PALM2AKAP2: variants seen among roughly 807,000 people sequenced by gnomAD.
PALM2AKAP2 encodes PALM2-AKAP2 fusion protein.
Under a neutral mutation model 71.5 loss-of-function variants are expected in PALM2AKAP2, and 37 were observed. The ratio of observed to expected loss-of-function variants is 0.52; its 90% CI spans 0.40 to 0.68. PALM2AKAP2 has a LOEUF of 0.68. PALM2AKAP2 is among the 30% of genes least tolerant of loss of function. The probability of loss-of-function intolerance (pLI) is 0.00; values close to 1 mark genes in which losing one functional copy is unlikely to be tolerated. For missense variants in PALM2AKAP2, 1,224 were observed against 1,191.8 expected, an observed-to-expected ratio of 1.03 and a Z score of -0.40; for synonymous variants, 468 against 478.8, an observed-to-expected ratio of 0.98 and a Z score of 0.29.
intron 3 of PALM2AKAP2, among the ~76,000 whole-genome samples, chr9:109,884,072 A>G (rs886277295): frequency 6.6e-6 from 1 of 152,260 alleles, no homozygotes; most frequent in East Asian, 1.9e-4. Context: ...GGGATGAATA[A>G]TTCAGTTTTC....
At chr9:109,643,090 A>G (rs1827095584) in intron 1 of PALM2AKAP2, among the ~76,000 whole-genome samples, 1 of 147,166 alleles carries the variant, frequency 6.8e-6, no homozygotes, top group Admixed American at 6.8e-5. Context: ...AGAAAGAAAG[A>G]GGGGGAGGGA....
chr9:109,882,887 G>A (rs1286930200), intron 3 of PALM2AKAP2, among the ~76,000 whole-genome samples: 2 of 151,936 alleles, frequency 1.3e-5, no homozygotes, highest in African/African-American at 4.8e-5. Context: ...GGCTTCATGT[G>A]ATTCTTCCCA....
chr9:110,168,623 C>G lies in PALM2AKAP2; in HGVS notation c.*126C>G, dbSNP rs914808956. 3 of 1,101,870 alleles carry G rather than the reference C, an allele frequency of 2.7e-6. No individual in the cohort carries two copies. The Admixed American group carries it at 8.7e-5, about 32-fold the overall frequency. The allele number at this position is 1,101,870 out of a possible 1,614,324, so 68.3% of individuals were successfully genotyped here. A position where few individuals can be genotyped will look rare whatever the true frequency, so the allele number is the denominator to read the frequency against. On this transcript the variant is annotated 3_prime_UTR_variant, in exon 4 of 4. Coordinates refer to ENST00000374525, the Ensembl canonical transcript of PALM2AKAP2. ...ACAAACTCAGCAATCCTTATGTAGA[C>G]CAGAAGCTGCAATATACAATGATGA...
At chr9:109,865,348 C>T (rs1001268792) in intron 1 of PALM2AKAP2, among the ~76,000 whole-genome samples, 14 of 152,102 alleles carry the variant, frequency 9.2e-5, no homozygotes, top group African/African-American at 2.7e-4. Flanking sequence ...ATCCACCCAC[C>T]TCAGCCTCCC....
chr9:110,081,920 CAT>C (rs2118703828), intron 1 of PALM2AKAP2, among the ~76,000 whole-genome samples: 1 of 152,236 alleles, frequency 6.6e-6, no homozygotes, highest in African/African-American at 2.4e-5. Context: ...CCAGTTCCCC[CAT>C]ATGTGTTCTT....
intron 6 of PALM2AKAP2, among the ~76,000 whole-genome samples, chr9:109,941,799 C>G (rs1831377095): frequency 6.6e-6 from 1 of 152,100 alleles, no homozygotes; most frequent in African/African-American, 2.4e-5. Flanking sequence ...GGATACAAGA[C>G]TGAGAGACAG....
intron 1 of PALM2AKAP2, among the ~76,000 whole-genome samples, chr9:109,729,135 C>G (rs1828516618): frequency 6.6e-6 from 1 of 152,074 alleles, no homozygotes; most frequent in Non-Finnish European, 1.5e-5. Flanking sequence ...ATTTAATGGT[C>G]CCTTTATCAA....
intron 1 of PALM2AKAP2, among the ~76,000 whole-genome samples, chr9:109,842,616 C>T (rs769555948): frequency 1.3e-5 from 2 of 152,128 alleles, no homozygotes; most frequent in African/African-American, 4.8e-5. Flanking sequence ...GTTAACACTT[C>T]ACTGGGAAGA....
intron 1 of PALM2AKAP2, among the ~76,000 whole-genome samples, chr9:110,060,116 GT>G (rs1408390182): frequency 6.6e-6 from 1 of 151,750 alleles, no homozygotes; most frequent in Non-Finnish European, 1.5e-5. Context: ...TTTTGTTTTT[GT>G]TTTTGTTTTT....
chr9:110,111,854 T>C (rs1433785214), intron 1 of PALM2AKAP2, among the ~76,000 whole-genome samples: 1 of 152,120 alleles, frequency 6.6e-6, no homozygotes, highest in Non-Finnish European at 1.5e-5. Context: ...ATTGCACAGC[T>C]TGAGATGTTT....
At chr9:110,137,382 A>T (rs772419140) in exon 2 of PALM2AKAP2, 52 of 1,614,048 alleles carry the variant, frequency 3.2e-5, no homozygotes, top group Non-Finnish European at 4.4e-5. Context: ...CCTCCAGAAG[A>T]CAGTGGTGCC....
intron 1 of PALM2AKAP2, among the ~76,000 whole-genome samples, chr9:109,681,117 C>T (rs1229314167): frequency 6.6e-6 from 1 of 152,176 alleles, no homozygotes; most frequent in Non-Finnish European, 1.5e-5. Flanking sequence ...ATAGTTTTCT[C>T]TCAATAAATA....
intron 2 of PALM2AKAP2, among the ~76,000 whole-genome samples, chr9:109,879,770 C>T (rs1201640546): frequency 9.3e-5 from 14 of 150,792 alleles, no homozygotes; most frequent in African/African-American, 2.9e-4. Context: ...GGTCACAGCT[C>T]GCTGCAGCCT....
intron 5 of PALM2AKAP2, among the ~76,000 whole-genome samples, chr9:109,925,554 C>G (rs1001581848): frequency 6.6e-6 from 1 of 152,168 alleles, no homozygotes; most frequent in Non-Finnish European, 1.5e-5. Context: ...CTCTCTCTCT[C>G]TCTGATCAGA....
At chr9:109,745,851 A>C (rs1193260805) in intron 1 of PALM2AKAP2, among the ~76,000 whole-genome samples, 1 of 152,226 alleles carries the variant, frequency 6.6e-6, no homozygotes, top group Non-Finnish European at 1.5e-5. Flanking sequence ...TCATAAATTC[A>C]GACCCCAGAA....
chr9:109,910,232 C>G (rs544093730), intron 3 of PALM2AKAP2, among the ~76,000 whole-genome samples: 1 of 152,118 alleles, frequency 6.6e-6, no homozygotes, highest in African/African-American at 2.4e-5. Flanking sequence ...AATGGATTAA[C>G]GGTGGTACCA....
chr9:109,776,196 G>A (rs1350964993), upstream of PALM2AKAP2, among the ~76,000 whole-genome samples: 1 of 152,128 alleles, frequency 6.6e-6, no homozygotes, highest in African/African-American at 2.4e-5. Context: ...AGCATAGTTT[G>A]GGTTTTAAAT....
chr9:109,712,860 G>A (rs1275318274), intron 1 of PALM2AKAP2, among the ~76,000 whole-genome samples: 1 of 152,206 alleles, frequency 6.6e-6, no homozygotes, highest in Non-Finnish European at 1.5e-5. Context: ...TCCACTGTTA[G>A]ACCATGATAA....
chr9:109,829,136 G>T (rs1360141715), intron 1 of PALM2AKAP2, among the ~76,000 whole-genome samples: 2 of 152,192 alleles, frequency 1.3e-5, no homozygotes, highest in Non-Finnish European at 2.9e-5. Flanking sequence ...TTTTAAGATA[G>T]TGAAAATTCT....
Sources: allele counts gnomAD v4.1 joint callset (sites outside exome capture counted in the v4.1 genomes callset), GRCh38; gene constraint gnomAD v4.1.1; transcripts MANE v1.5; gene names NCBI Gene and HGNC (gene_info 2026-07-23, HGNC 2026-07-21).